The following DLGAP4 variants were observed in gnomAD, a reference collection of about 807,000 sequenced individuals.
DLGAP4 encodes the protein DLG associated protein 4, also known as disks large-associated protein 4.
A neutral mutation model predicts 86.9 loss-of-function variants in DLGAP4; 18 were observed. The observed-to-expected ratio is 0.21, with a 90% CI of 0.14 to 0.31. The LOEUF is 0.31. Ranked by LOEUF, DLGAP4 falls within the 10% of genes least tolerant of loss-of-function variation. DLGAP4 has a pLI of 1.00. For synonymous variants in DLGAP4, 548 were observed against 574.3 expected (o/e 0.95, Z 0.65); for missense variants, 1,085 against 1,362.6 (o/e 0.80, Z 3.21).
chr20:36,510,371 C>G (rs1245411572), intron 10 of DLGAP4, among the ~76,000 whole-genome samples: 1 of 152,210 alleles, frequency 6.6e-6, no homozygotes, highest in African/African-American at 2.4e-5. Flanking sequence ...TCAAGCGATT[C>G]TCCTGCCTCA....
rs1211978929 is a variant in DLGAP4, at chr20:36,511,648, G to A, written c.2512+11037G>A. 7.2e-5 allele frequency among the ~76,000 whole-genome samples: 11 copies of A among 152,016 alleles called. No homozygotes were observed. The East Asian group carries it at 1.4e-3, about 19-fold the overall frequency. On this transcript the variant is annotated intron_variant, in intron 10 of 12. Coordinates refer to ENST00000339266, the MANE Select transcript of DLGAP4 (RefSeq NM_001365621.2). ...CCAGCACTTTGGAAGGCCGAGGTAG[G>A]CAGATCATTTGAGGTCAGGAGCTCG...
At chr20:36,459,869 A>C (rs892183322) in intron 7 of DLGAP4, among the ~76,000 whole-genome samples, 2 of 152,178 alleles carry the variant, frequency 1.3e-5, no homozygotes, top group African/African-American at 4.8e-5. Context: ...GGCCTCCCAA[A>C]GTGCTGGGAT....
chr20:36,500,173 C>G lies in DLGAP4; in HGVS notation c.2100-26C>G. The G allele has an allele frequency of 6.6e-7, 1 of 1,515,186 alleles. No individual in the cohort carries two copies. The highest frequency in any genetic ancestry group is 1.3e-5 in the South Asian group (1 of 75,008). 93.9% of individuals were successfully genotyped at this position (1,515,186 alleles called of 1,614,324 possible). A position where few individuals can be genotyped will look rare whatever the true frequency, so the allele number is the denominator to read the frequency against. On this transcript the variant is annotated intron_variant, in intron 9 of 12. Transcript: ENST00000339266. The surrounding 1 kb of genome is among the most constrained non-coding windows in gnomAD (Gnocchi z 4.6). ...CTTGGTGACTCACTCCTTCCTGTCC[C>G]CACCCCATCCACCCCCTACCCACAG...
At chr20:36,507,113 T>G (rs751037386) in intron 10 of DLGAP4, among the ~76,000 whole-genome samples, 1 of 152,238 alleles carries the variant, frequency 6.6e-6, no homozygotes, top group Non-Finnish European at 1.5e-5. Context: ...GAATAATGTT[T>G]CCTGTCTCTT....
intron 1 of DLGAP4, among the ~76,000 whole-genome samples, chr20:36,324,559 C>T (rs1000224257): frequency 5.9e-5 from 9 of 152,160 alleles, no homozygotes; most frequent in African/African-American, 2.2e-4. Flanking sequence ...ATAAGTTGTG[C>T]TGGCACCATT....
chr20:36,462,736 G>T, intron 7 of DLGAP4: 1 of 1,229,632 alleles, frequency 8.1e-7, no homozygotes, highest in Non-Finnish European at 1.1e-6. Flanking sequence ...AGGGGGAAAG[G>T]AGGGAGGGGC....
chr20:36,383,400 G>A (rs1292501770), intron 2 of DLGAP4, among the ~76,000 whole-genome samples: 7 of 152,128 alleles, frequency 4.6e-5, no homozygotes, highest in Admixed American at 4.6e-4. Flanking sequence ...CTTGAGAACA[G>A]GGCAACAAGC....
At chr20:36,456,288 C>T (rs6067347) in intron 7 of DLGAP4, among the ~76,000 whole-genome samples, 52,185 of 152,122 alleles carry the variant, frequency 0.34, 11,151 homozygotes, top group East Asian at 0.58. Flanking sequence ...TGCCTGACTT[C>T]GAAGCCCTGG....
rs768791760 is a variant in DLGAP4, at chr20:36,528,173, C to T, written c.*1142C>T. The T allele has an allele frequency of 4.0e-5, 6 of 151,624 alleles. No homozygotes were observed. Among genetic ancestry groups the T allele is most frequent in the South Asian group, 2.1e-4 (1 of 4,816 alleles). 9.4% of individuals were successfully genotyped at this position (151,624 alleles called of 1,614,324 possible). ...GGTCTCCACCCCCCTCCCCCCGCCC[C>T]GCACTCCTAAGGGCCCATCTGCCCA... On this transcript the variant is annotated 3_prime_UTR_variant, in exon 13 of 13. Coordinates refer to ENST00000339266, the MANE Select transcript of DLGAP4 (RefSeq NM_001365621.2).
intron 2 of DLGAP4, among the ~76,000 whole-genome samples, chr20:36,389,724 G>T (rs2031723915): frequency 6.6e-6 from 1 of 152,114 alleles, no homozygotes; most frequent in African/African-American, 2.4e-5. Flanking sequence ...TTTATTAAAG[G>T]TAGGCTATAA....
intron 10 of DLGAP4, among the ~76,000 whole-genome samples, chr20:36,518,467 A>G (rs1281060377): frequency 6.6e-6 from 1 of 151,992 alleles, no homozygotes; most frequent in Non-Finnish European, 1.5e-5. Flanking sequence ...TTAAATTGGA[A>G]GCTAATTCAT....
At chr20:36,438,457 C>T (rs1258975761) in intron 4 of DLGAP4, among the ~76,000 whole-genome samples, 2 of 150,380 alleles carry the variant, frequency 1.3e-5, no homozygotes, top group Admixed American at 1.3e-4. Context: ...TCACACTGTC[C>T]AGGCTGGCAG....
chr20:36,330,722 G>A (rs576691128), intron 1 of DLGAP4, among the ~76,000 whole-genome samples: 118 of 152,004 alleles, frequency 7.8e-4, no homozygotes, highest in African/African-American at 2.8e-3. Context: ...ATAGGCGCCC[G>A]CCACCACACC....
intron 11 of DLGAP4, among the ~76,000 whole-genome samples, chr20:36,524,957 G>A (rs1465279092): frequency 1.3e-5 from 2 of 151,726 alleles, no homozygotes; most frequent in African/African-American, 4.8e-5. Context: ...AGTGGCTCAC[G>A]CCTGTAATCC....
intron 7 of DLGAP4, chr20:36,462,501 T>C (rs2034137946): frequency 6.3e-7 from 1 of 1,598,670 alleles, no homozygotes; most frequent in Non-Finnish European, 8.5e-7. Flanking sequence ...TTCTCTCTGC[T>C]CCTTGTCTCC....
intron 7 of DLGAP4, among the ~76,000 whole-genome samples, chr20:36,450,411 T>C (rs191193131): frequency 1.3e-5 from 2 of 152,080 alleles, no homozygotes; most frequent in East Asian, 3.9e-4. Context: ...GGCAGGAGAA[T>C]CGCTTAAGCC....
chr20:36,307,610 T>C (rs2065016763), intron 1 of DLGAP4, among the ~76,000 whole-genome samples: 2 of 152,110 alleles, frequency 1.3e-5, no homozygotes, highest in Non-Finnish European at 2.9e-5. Flanking sequence ...AGCCCTAAGC[T>C]TGGAGGGCAG....
chr20:36,517,301 C>G (rs998144187), intron 10 of DLGAP4, among the ~76,000 whole-genome samples: 3 of 152,118 alleles, frequency 2.0e-5, no homozygotes, highest in Non-Finnish European at 2.9e-5. Context: ...TTGCATGAAC[C>G]TGGGAGGTGG....
chr20:36,470,907 T>C (rs1314776050), intron 7 of DLGAP4, among the ~76,000 whole-genome samples: 3 of 152,350 alleles, frequency 2.0e-5, no homozygotes, highest in South Asian at 4.1e-4. Context: ...GTTCTCAATC[T>C]TGCTGCTGTA....
Sources: allele counts gnomAD v4.1 joint callset (sites outside exome capture counted in the v4.1 genomes callset), GRCh38; gene constraint gnomAD v4.1.1; non-coding constraint Gnocchi (gnomAD v3.1); transcripts MANE v1.5; gene names NCBI Gene and HGNC (gene_info 2026-07-23, HGNC 2026-07-21).